The following VEZT variants were observed in gnomAD, a reference collection of about 807,000 sequenced individuals.
The protein encoded by VEZT is vezatin, adherens junctions transmembrane protein.
VEZT carries 39 observed loss-of-function variants against 79.9 expected under a neutral mutation model. That is an observed-to-expected ratio of 0.49 (90% CI 0.38 to 0.64). VEZT has a LOEUF of 0.64. Ranked by LOEUF, VEZT falls within the 30% of genes least tolerant of loss-of-function variation. The pLI is 0.00. For synonymous variants in VEZT, 325 were observed against 327.6 expected (o/e 0.99, Z 0.09); for missense variants, 837 against 893.1 (o/e 0.94, Z 0.80).
At chr12:95,233,442 G>A (rs895321099) in intron 1 of VEZT, among the ~76,000 whole-genome samples, 1 of 151,042 alleles carries the variant, frequency 6.6e-6, no homozygotes, top group African/African-American at 2.4e-5. Flanking sequence ...CTCTCTTGCC[G>A]AGGCTGGAGT....
intron 1 of VEZT, among the ~76,000 whole-genome samples, chr12:95,234,819 T>C (rs1003430322): frequency 1.3e-5 from 2 of 152,190 alleles, no homozygotes; most frequent in African/African-American, 4.8e-5. Flanking sequence ...CCGCAGTGTT[T>C]GTGTCCCTGG....
At chr12:95,267,314 A>G (rs574872603) in intron 5 of VEZT, among the ~76,000 whole-genome samples, 1 of 152,364 alleles carries the variant, frequency 6.6e-6, no homozygotes, top group African/African-American at 2.4e-5. Context: ...GTAAATATTC[A>G]TATCCATTCC....
chr12:95,257,325 A>G lies in VEZT; in HGVS notation c.258+86A>G, dbSNP rs887705216. On this transcript the variant is annotated intron_variant, in intron 3 of 11. Transcript: ENST00000436874. ...TGAATCAGAATTTGTTTTGCTATCA[A>G]TTTGGCCAGCAATTGATTTTTACTA... 5 of 1,072,416 alleles carry G rather than the reference A, an allele frequency of 4.7e-6. No individual in the cohort carries two copies. In the African/African-American group the frequency reaches 6.4e-5, roughly 14 times the overall value. 66.4% of individuals were successfully genotyped at this position (1,072,416 alleles called of 1,614,324 possible). A position where few individuals can be genotyped will look rare whatever the true frequency, so the allele number is the denominator to read the frequency against.
At chr12:95,274,304 A>G (rs1349162752) in intron 6 of VEZT, among the ~76,000 whole-genome samples, 1 of 152,148 alleles carries the variant, frequency 6.6e-6, no homozygotes, top group Admixed American at 6.5e-5. Context: ...ATCTCTAGAA[A>G]AAAATACAAA....
At chr12:95,296,309 C>T in intron 11 of VEZT, 51 bp downstream of exon 11, 1 of 1,488,456 alleles carries the variant, frequency 6.7e-7, no homozygotes. Flanking sequence ...GGGATTCTTT[C>T]TTTCTTGAAC....
At chr12:95,292,790 A>AC (rs1388302551) in intron 9 of VEZT, among the ~76,000 whole-genome samples, 1 of 137,498 alleles carries the variant, frequency 7.3e-6, no homozygotes, top group Non-Finnish European at 1.5e-5. Context: ...CTCGTGATCC[A>AC]CCCACCTTAG....
At chr12:95,227,315 C>A (rs903159051) in intron 1 of VEZT, among the ~76,000 whole-genome samples, 5 of 149,658 alleles carry the variant, frequency 3.3e-5, no homozygotes, top group Admixed American at 2.0e-4. Flanking sequence ...CATGTGCCAT[C>A]ATGCCCTACT....
Position 95,300,566 on chromosome 12 carries a change from G to A in VEZT, c.2233G>A (p.Val745Met). 6.2e-7 allele frequency: 1 copy of A among 1,613,952 alleles called. No individual in the cohort carries two copies. Residue 745 changes from valine (V) to methionine (M), a missense_variant, in exon 12 of 12, where the codon GTG becomes ATG. Val to Met is a conservative substitution (Grantham distance 21). Coordinates refer to ENST00000436874, the MANE Select transcript of VEZT (RefSeq NM_017599.4). ...CTTCACTGCTGGCCTTGCTGCAGAA[G>A]TGGCTGCTAGATCTCTCTCCTTTAC... Reference protein sequence around the residue: ...FTFTAGLAAEVAARSLSFTTM... With the variant: ...FTFTAGLAAEMAARSLSFTTM...
chr12:95,233,653 C>T (rs559569583), intron 1 of VEZT, among the ~76,000 whole-genome samples: 10 of 152,116 alleles, frequency 6.6e-5, no homozygotes, highest in South Asian at 2.1e-4. Flanking sequence ...CCCCCCACCT[C>T]GGCCTCCCAA....
At chr12:95,276,899 C>T (rs1280728060) in intron 7 of VEZT, among the ~76,000 whole-genome samples, 3 of 152,156 alleles carry the variant, frequency 2.0e-5, no homozygotes, top group Admixed American at 1.3e-4. Context: ...AAAACCTGGA[C>T]ACCATCTTTC....
chr12:95,222,925 G>A (rs912836045), intron 1 of VEZT, among the ~76,000 whole-genome samples: 3 of 152,090 alleles, frequency 2.0e-5, no homozygotes, highest in African/African-American at 4.8e-5. Context: ...GGCCTTTCCT[G>A]GGGAAAAGAG....
At chr12:95,242,875 C>CG (rs1178947547) in intron 1 of VEZT, among the ~76,000 whole-genome samples, 1 of 110,242 alleles carries the variant, frequency 9.1e-6, no homozygotes, top group Admixed American at 8.8e-5. Context: ...CTCCATCTCA[C>CG]CAAAAAAAAA....
chr12:95,286,659 G>A (rs1390292179), intron 8 of VEZT: 1 of 396,878 alleles, frequency 2.5e-6, no homozygotes, highest in African/African-American at 2.1e-5. Context: ...TTTTCTTCAG[G>A]TTCCAAAGTA....
At chr12:95,273,070 C>T (rs2066943975) in intron 6 of VEZT, among the ~76,000 whole-genome samples, 1 of 152,012 alleles carries the variant, frequency 6.6e-6, no homozygotes, top group African/African-American at 2.4e-5. Flanking sequence ...GCAAAACTGA[C>T]CTAGGAAGAA....
intron 9 of VEZT, among the ~76,000 whole-genome samples, chr12:95,292,719 TTG>T (rs1282058243): frequency 1.3e-5 from 2 of 151,968 alleles, no homozygotes; most frequent in African/African-American, 4.8e-5. Flanking sequence ...CAGCTAATTT[TTG>T]TGTTTTTATT....
intron 5 of VEZT, 136 bp downstream of exon 5, chr12:95,266,768 C>G: frequency 4.1e-6 from 3 of 726,050 alleles, no homozygotes; most frequent in Non-Finnish European, 6.5e-6. Context: ...TTACTAAAGT[C>G]AATTAACTGC....
At chr12:95,294,102 G>A (rs563742036) in intron 9 of VEZT, 170 bp from the exon 10 acceptor site, 4 of 528,188 alleles carry the variant, frequency 7.6e-6, no homozygotes, top group South Asian at 6.3e-5. Context: ...TTCCAGGCTG[G>A]TGTTGAACTC....
In VEZT at chr12:95,287,722, C is replaced by T; in HGVS notation, c.1387C>T (p.Leu463=). 1 of 1,597,326 alleles carries T rather than the reference C, an allele frequency of 6.3e-7. No homozygotes were observed. Among genetic ancestry groups the T allele is most frequent in the Admixed American group, 1.7e-5 (1 of 57,908 alleles). The change falls in exon 9 of 12, where the codon CTA becomes TTA. Residue 463 remains leucine, a synonymous_variant. Coordinates refer to ENST00000436874, the MANE Select transcript of VEZT (RefSeq NM_017599.4). ...TGTTTGTACTAAAGAAACACAAGAA[C>T]TAGTGTCAGAGGCTTATCCCATCCT... ...KLVCTKETQE[L]VSEAYPILEQ...
chr12:95,247,852 T>C (rs1032920663), intron 1 of VEZT, among the ~76,000 whole-genome samples: 6 of 152,188 alleles, frequency 3.9e-5, no homozygotes, highest in African/African-American at 1.4e-4. Flanking sequence ...TATCTGGGTT[T>C]ACATGTGTTA....
Sources: gnomAD v4.1 joint callset for allele counts (sites outside exome capture counted in the v4.1 genomes callset) on GRCh38, gnomAD v4.1.1 for gene constraint, MANE v1.5 for transcripts, NCBI Gene and HGNC (gene_info 2026-07-23, HGNC 2026-07-21) for gene names.